The following ADAMTSL1 variants were observed in gnomAD, a reference collection of about 807,000 sequenced individuals.
The protein encoded by ADAMTSL1 is ADAMTS like 1, also known as ADAMTS-like protein 1.
A neutral mutation model predicts 201.8 loss-of-function variants in ADAMTSL1; 126 were observed. That is an observed-to-expected ratio of 0.62 (90% confidence interval 0.54 to 0.72). The LOEUF (loss-of-function observed/expected upper bound fraction) is 0.72. ADAMTSL1 is among the 30% of genes least tolerant of loss of function. ADAMTSL1 has a pLI of 0.00. For synonymous variants in ADAMTSL1, 1,121 were observed against 903.4 expected (o/e 1.24, Z -4.32); for missense variants, 2,679 against 2,277.8 (o/e 1.18, Z -3.59).
chr9:18,505,231 A>T (rs1038451904), intron 2 of ADAMTSL1, among the ~76,000 whole-genome samples: 1 of 152,188 alleles, frequency 6.6e-6, no homozygotes, highest in African/African-American at 2.4e-5. Flanking sequence ...ATCTGTTTTC[A>T]TGTTAGGACT....
chr9:18,464,661 G>C (rs559497956), intron 2 of ADAMTSL1, among the ~76,000 whole-genome samples: 2 of 152,150 alleles, frequency 1.3e-5, no homozygotes, highest in Admixed American at 6.5e-5. Flanking sequence ...AAATCAATCT[G>C]ATCCTTCTCC....
chr9:18,014,192 G>A (rs1411578174), intron 1 of ADAMTSL1, among the ~76,000 whole-genome samples: 1 of 151,940 alleles, frequency 6.6e-6, no homozygotes, highest in Non-Finnish European at 1.5e-5. Context: ...CCCAGGAAGT[G>A]CCCCCCATAC....
intron 3 of ADAMTSL1, among the ~76,000 whole-genome samples, chr9:18,571,644 C>T (rs754977608): frequency 1.8e-4 from 27 of 152,164 alleles, no homozygotes; most frequent in Admixed American, 1.0e-3. Context: ...AGAGCAGCAC[C>T]TTGACAGAGA....
chr9:18,877,461 G>A (rs185831343), intron 23 of ADAMTSL1, among the ~76,000 whole-genome samples: 1 of 152,264 alleles, frequency 6.6e-6, no homozygotes, highest in East Asian at 1.9e-4. Context: ...CTAGGGATGG[G>A]GCTTTCTGGG....
At chr9:18,077,554 A>T (rs1785512376) in intron 1 of ADAMTSL1, among the ~76,000 whole-genome samples, 1 of 152,212 alleles carries the variant, frequency 6.6e-6, no homozygotes, top group Non-Finnish European at 1.5e-5. Context: ...AAGATAAGTT[A>T]TCGGTGATCT....
At chr9:18,297,686 T>C (rs560723984) in intron 2 of ADAMTSL1, among the ~76,000 whole-genome samples, 1 of 151,100 alleles carries the variant, frequency 6.6e-6, no homozygotes, top group East Asian at 1.9e-4. Context: ...ATACCTTTTG[T>C]AGCCCCCTAG....
intron 2 of ADAMTSL1, among the ~76,000 whole-genome samples, chr9:18,448,917 GTAT>G (rs1820301612): frequency 6.6e-6 from 1 of 152,020 alleles, no homozygotes; most frequent in Non-Finnish European, 1.5e-5. Flanking sequence ...ATTATTTCAA[GTAT>G]TATTAATATC....
chr9:18,892,728 T>C (rs1051773225), intron 26 of ADAMTSL1, 132 bp downstream of exon 26: 2 of 1,083,066 alleles, frequency 1.8e-6, no homozygotes, highest in Non-Finnish European at 2.6e-6. Flanking sequence ...GGCATAGCTT[T>C]TGTGGGTTGT....
chr9:18,673,923 C>A (rs1829976804), intron 9 of ADAMTSL1, among the ~76,000 whole-genome samples: 1 of 151,810 alleles, frequency 6.6e-6, no homozygotes, highest in South Asian at 2.1e-4. Flanking sequence ...AAAATATAGT[C>A]CTTTTAGAAA....
intron 13 of ADAMTSL1, among the ~76,000 whole-genome samples, chr9:18,700,639 G>A (rs143154107): frequency 3.3e-5 from 5 of 151,964 alleles, no homozygotes; most frequent in African/African-American, 4.8e-5. Flanking sequence ...ATGAAGATTG[G>A]GTTAAAAAAT....
chr9:18,062,588 A>T (rs974779605), intron 1 of ADAMTSL1, among the ~76,000 whole-genome samples: 16 of 152,308 alleles, frequency 1.1e-4, no homozygotes, highest in South Asian at 6.2e-4. Flanking sequence ...AAAATTAGAA[A>T]TAAGAGGAAT....
chr9:18,711,669 GA>G (rs1269133774), intron 14 of ADAMTSL1, among the ~76,000 whole-genome samples: 1 of 152,246 alleles, frequency 6.6e-6, no homozygotes, highest in African/African-American at 2.4e-5. Context: ...GAGGCTGGGG[GA>G]GGGGCGCCCG....
chr9:18,541,664 T>C (rs1587507409), intron 3 of ADAMTSL1, among the ~76,000 whole-genome samples: 1 of 152,334 alleles, frequency 6.6e-6, no homozygotes, highest in South Asian at 2.1e-4. Flanking sequence ...GAGCTGCCAC[T>C]TACCAGTTAT....
intron 1 of ADAMTSL1, among the ~76,000 whole-genome samples, chr9:18,127,492 ACACACACACAC>A (rs1825787286): frequency 7.6e-6 from 1 of 131,184 alleles, no homozygotes; most frequent in Non-Finnish European, 1.8e-5. Context: ...ACACACACAC[ACACACACACAC>A]ACACACACAC....
intron 20 of ADAMTSL1, among the ~76,000 whole-genome samples, chr9:18,814,405 A>G (rs1233472874): frequency 3.9e-5 from 6 of 152,208 alleles, no homozygotes; most frequent in Non-Finnish European, 8.8e-5. Context: ...ACAGCAAAGG[A>G]AACAATCAAC....
chr9:18,791,494 A>G (rs1047356688), intron 19 of ADAMTSL1, among the ~76,000 whole-genome samples: 1 of 152,124 alleles, frequency 6.6e-6, no homozygotes, highest in African/African-American at 2.4e-5. Context: ...GTTGAGTCTT[A>G]TGGTGGTCCC....
At chr9:18,425,017 A>G (rs1436133950) in intron 2 of ADAMTSL1, among the ~76,000 whole-genome samples, 6 of 152,238 alleles carry the variant, frequency 3.9e-5, no homozygotes, top group Admixed American at 1.3e-4. Context: ...ATGCTGAACT[A>G]TTAAAGGAAG....
intron 2 of ADAMTSL1, among the ~76,000 whole-genome samples, chr9:18,228,669 C>T (rs1830521059): frequency 6.6e-6 from 1 of 152,110 alleles, no homozygotes; most frequent in Non-Finnish European, 1.5e-5. Flanking sequence ...ATCTTCTTGC[C>T]TAGGCCTCCT....
chr9:18,799,047 A>G (rs1237827112), intron 20 of ADAMTSL1, among the ~76,000 whole-genome samples: 1 of 152,140 alleles, frequency 6.6e-6, no homozygotes, highest in Non-Finnish European at 1.5e-5. Context: ...GGAGATGGCC[A>G]GTGTTTCCCT....
Sources: gnomAD v4.1 joint callset for allele counts (sites outside exome capture counted in the v4.1 genomes callset) on GRCh38, gnomAD v4.1.1 for gene constraint, MANE v1.5 for transcripts, NCBI Gene and HGNC (gene_info 2026-07-23, HGNC 2026-07-21) for gene names.